SHE: variants seen among roughly 807,000 people sequenced by gnomAD.
SHE encodes the protein Src homology 2 domain containing E, also known as SH2 domain-containing adapter protein E.
SHE carries 11 observed loss-of-function variants against 49.8 expected under a neutral mutation model. The ratio of observed to expected loss-of-function variants is 0.22; its 90% CI spans 0.14 to 0.37. SHE has a LOEUF of 0.37. Ranked by LOEUF, SHE falls within the 10% of genes least tolerant of loss-of-function variation. The pLI, the probability that SHE is intolerant of heterozygous loss-of-function variation, is 1.00. For missense variants in SHE, 624 were observed against 655.5 expected, an observed-to-expected ratio of 0.95 and a Z score of 0.52; for synonymous variants, 310 against 278.1, an observed-to-expected ratio of 1.11 and a Z score of -1.14.
In SHE at chr1:154,499,022, C is replaced by T. The variant is rs1692623171; in HGVS notation, c.718+90G>A. The stretch of plus-strand genomic sequence containing the variant: ...GCAGGATCTGGGTAAATTGCTTTAT[C>T]CCTCTTCCCCAATAGACACCGGTTA... On this transcript the variant is annotated intron_variant, in intron 2 of 5. Coordinates refer to ENST00000304760, the MANE Select transcript of SHE (RefSeq NM_001010846.3). 24 of 1,472,854 alleles carry T rather than the reference C, an allele frequency of 1.6e-5. 1 individual carries two copies. The highest frequency in any genetic ancestry group is 2.2e-5 in the Non-Finnish European group (24 of 1,096,434). The allele number at this position is 1,472,854 out of a possible 1,614,324, so 91.2% of individuals were successfully genotyped here.
chr1:154,499,210 G>A lies in SHE; in HGVS notation c.620C>T (p.Pro207Leu). The change falls in exon 2 of 6, where the codon CCT becomes CTT. Residue 207 changes from proline to leucine, a missense_variant. Around this residue, in one of 4 missense-constraint regions of SHE, gnomAD observed 337 missense variants for 306.0 expected, o/e 1.10. Transcript: ENST00000304760. ...TVIILEDYAD[P>L]YDAKRTKGQR... ...ACCCTTTGTCCGTTTGGCATCATAAGGGTCAGCATAGTCTTCTAAAATGAT... is the reference window on the plus strand; with the variant it reads ...ACCCTTTGTCCGTTTGGCATCATAAAGGTCAGCATAGTCTTCTAAAATGAT... 6.2e-7 allele frequency: 1 copy of A among 1,614,014 alleles called. No homozygotes were observed. The highest frequency in any genetic ancestry group is 8.5e-7 in the Non-Finnish European group (1 of 1,179,992).
chr1:154,485,846 C>A (rs1692160686), intron 5 of SHE, 97 bp downstream of exon 5: 2 of 1,473,988 alleles, frequency 1.4e-6, no homozygotes, highest in Admixed American at 1.8e-5. Flanking sequence ...ATGCACACCC[C>A]TGTGAAACAC....
At chr1:154,470,233 G>A in exon 2 of SHE, 1 of 1,129,236 alleles carries the variant, frequency 8.9e-7, no homozygotes. Flanking sequence ...GGGCCATGGA[G>A]GGGGCACGGG....
Position 154,481,549 on chromosome 1 carries a change from G to A in SHE, c.*2600C>T. On this transcript the variant is annotated 3_prime_UTR_variant, in exon 6 of 6. Transcript: ENST00000304760. ...ATTATACATTCATCACAGTTGCTGG[G>A]TATGGGCCAAAAATCATTTAGTGCA... 1 of 985,352 alleles carries A rather than the reference G, an allele frequency of 1.0e-6. No homozygotes were observed. 61.0% of individuals were successfully genotyped at this position (985,352 alleles called of 1,614,324 possible).
chr1:154,493,819 G>A (rs1278159282), intron 2 of SHE, among the ~76,000 whole-genome samples: 1 of 152,184 alleles, frequency 6.6e-6, no homozygotes, highest in African/African-American at 2.4e-5. Flanking sequence ...CTAACTCACG[G>A]CTGTACTGAC....
rs1691714383 is a variant in SHE at position 154,470,446 on chromosome 1, C to T, written c.103-84G>A. The stretch of plus-strand genomic sequence containing the variant: ...CCTTATTTACTGAGGCACAGGGCAA[C>T]CAAACCTTTCTGAATATCTGTGAGA... On this transcript the variant is annotated intron_variant, in intron 1 of 1. Transcript: ENST00000486773. The T allele has an allele frequency of 5.8e-6, 7 of 1,203,100 alleles. No homozygotes were observed. The South Asian group carries it at 7.6e-5, about 13-fold the overall frequency. 74.5% of individuals were successfully genotyped at this position (1,203,100 alleles called of 1,614,324 possible).
chr1:154,483,369 T>A lies in SHE; in HGVS notation c.*780A>T, dbSNP rs982069920. 2.0e-6 allele frequency: 2 copies of A among 985,284 alleles called. No individual in the cohort carries two copies. The highest frequency in any genetic ancestry group is 1.7e-5 in the African/African-American group (1 of 57,228). The allele number at this position is 985,284 out of a possible 1,614,324, so 61.0% of individuals were successfully genotyped here. ...GGGAGAAAGACCACCTTCTTGCCCG[T>A]CATTCACATTTTCTCCCGCTCATTC... On this transcript the variant is annotated 3_prime_UTR_variant, in exon 6 of 6. Transcript: ENST00000304760.
At position 154,502,212 on chromosome 1, in the gene SHE, C is replaced by G. The variant is rs969446892; in HGVS notation, c.-186G>C. On this transcript the variant is annotated 5_prime_UTR_variant, in exon 1 of 6. Coordinates refer to ENST00000304760, the MANE Select transcript of SHE (RefSeq NM_001010846.3). ...GGCACGACGCGCGGGGGGCCCCGCC[C>G]GGGCTCGTCTTCAACGCCTGCCCGG... 4.3e-5 allele frequency: 14 copies of G among 327,550 alleles called. No homozygotes were observed. Among genetic ancestry groups the G allele is most frequent in the African/African-American group, 2.8e-4 (13 of 45,932 alleles). The allele number at this position is 327,550 out of a possible 1,614,324, so 20.3% of individuals were successfully genotyped here.
At chr1:154,495,647 C>T (rs1692505467) in intron 2 of SHE, among the ~76,000 whole-genome samples, 1 of 151,966 alleles carries the variant, frequency 6.6e-6, no homozygotes. Context: ...GGTCTGTTTC[C>T]CCCTTAGGCT....
Position 154,482,481 on chromosome 1 carries a change from G to A in SHE, c.*1668C>T, listed in dbSNP as rs1233777489. On this transcript the variant is annotated 3_prime_UTR_variant, in exon 6 of 6. Coordinates refer to ENST00000304760, the MANE Select transcript of SHE (RefSeq NM_001010846.3). ...TCAAATGTAACTAGTAACTACAAAG[G>A]TATACTTTCCTAAAAAATTAACCAA... 39 of 985,190 alleles carry A rather than the reference G, an allele frequency of 4.0e-5. No homozygotes were observed. In the East Asian group the frequency reaches 2.7e-3, roughly 69 times the overall value. 61.0% of individuals were successfully genotyped at this position (985,190 alleles called of 1,614,324 possible).
intron 5 of SHE, 146 bp from the exon 6 acceptor site, chr1:154,484,481 T>G: frequency 1.5e-6 from 1 of 651,904 alleles, no homozygotes; most frequent in Non-Finnish European, 2.6e-6. Flanking sequence ...CATTCCACAC[T>G]CTAGTGGTAC....
chr1:154,492,106 T>C (rs956200943), intron 2 of SHE, among the ~76,000 whole-genome samples: 1 of 152,158 alleles, frequency 6.6e-6, no homozygotes, highest in African/African-American at 2.4e-5. Flanking sequence ...GTTATTAAAA[T>C]CAGGACACCA....
intron 3 of SHE, among the ~76,000 whole-genome samples, chr1:154,486,910 C>G (rs931931702): frequency 2.0e-5 from 3 of 152,186 alleles, no homozygotes; most frequent in Non-Finnish European, 4.4e-5. Context: ...AAATATTCAT[C>G]AGTATAAAAC....
At chr1:154,499,075 G>A (rs1692625770) in intron 2 of SHE, 37 bp downstream of exon 2, 10 of 1,608,894 alleles carry the variant, frequency 6.2e-6, no homozygotes, top group African/African-American at 1.3e-5. Context: ...CTGAGTGTGA[G>A]ATTTCAGTCT....
rs1053789857 is a variant in SHE at position 154,501,808 on chromosome 1, G to A, written c.219C>T (p.Gly73=). The A allele has an allele frequency of 5.2e-6, 8 of 1,551,526 alleles. No homozygotes were observed. In the African/African-American group the frequency reaches 8.2e-5, roughly 16 times the overall value. The change falls in exon 1 of 6, where the codon GGC becomes GGT. Residue 73 remains glycine (G), a synonymous_variant. Transcript: ENST00000304760. Reference sequence around the variant, plus strand: ...GGCCCTTGCCAGGACCCGGCCCAGCGCCGCCCGCCTCCGAGTTCTTGCGCA... The same window carrying A: ...GGCCCTTGCCAGGACCCGGCCCAGCACCGCCCGCCTCCGAGTTCTTGCGCA... ...GKLRKNSEAG[G]AGPGPGKGRK...
intron 2 of SHE, among the ~76,000 whole-genome samples, chr1:154,496,266 G>C (rs1291065316): frequency 6.6e-6 from 1 of 152,156 alleles, no homozygotes; most frequent in African/African-American, 2.4e-5. Context: ...AGTATACTTA[G>C]ATCACTAGTT....
chr1:154,486,831 G>C, intron 3 of SHE, 148 bp from the exon 4 acceptor site: 1 of 791,350 alleles, frequency 1.3e-6, no homozygotes, highest in East Asian at 2.7e-5. Flanking sequence ...AAATACCCTG[G>C]CTAGCTGAGC....
At chr1:154,477,728 TAAC>T (rs1222904158), downstream of SHE, among the ~76,000 whole-genome samples, 1 of 151,886 alleles carries the variant, frequency 6.6e-6, no homozygotes, top group East Asian at 1.9e-4. Context: ...CCGTTTCTAC[TAAC>T]AATACAAAAA....
chr1:154,480,737 A>G lies in SHE; in HGVS notation c.*3412T>C. ...TATATCAATATTTACCTTTTTGTAT[A>G]CATATTAACACTTCTCCATTATTTT... On this transcript the variant is annotated 3_prime_UTR_variant, in exon 6 of 6. Transcript: ENST00000304760. 3.0e-6 allele frequency: 3 copies of G among 985,434 alleles called. No individual in the cohort carries two copies. The highest frequency in any genetic ancestry group is 3.6e-6 in the Non-Finnish European group (3 of 829,920). 61.0% of individuals were successfully genotyped at this position (985,434 alleles called of 1,614,324 possible). A position where few individuals can be genotyped will look rare whatever the true frequency, so the allele number is the denominator to read the frequency against.
Sources: allele counts gnomAD v4.1 joint callset (sites outside exome capture counted in the v4.1 genomes callset), GRCh38; gene constraint gnomAD v4.1.1; regional missense constraint gnomAD v4.1.1; transcripts MANE v1.5; gene names NCBI Gene and HGNC (gene_info 2026-07-23, HGNC 2026-07-21).